The following A1CF variants were observed in gnomAD, a reference collection of about 807,000 sequenced individuals.
A1CF encodes the protein APOBEC-1 stimulating protein.
A1CF carries 48 observed loss-of-function variants against 68.9 expected under a neutral mutation model. The ratio of observed to expected loss-of-function variants is 0.70; its 90% CI spans 0.55 to 0.89. The LOEUF (loss-of-function observed/expected upper bound fraction) is 0.89. Ranked by LOEUF, A1CF falls within the 40% of genes least tolerant of loss-of-function variation. A1CF has a pLI of 0.00. For missense variants in A1CF, 653 were observed against 718.9 expected, an observed-to-expected ratio of 0.91 and a Z score of 1.05; for synonymous variants, 272 against 260.4, an observed-to-expected ratio of 1.04 and a Z score of -0.43.
chr10:50,810,106 T>G (rs1433157878), intron 11 of A1CF, 64 bp from the exon 12 acceptor site: 2 of 1,582,222 alleles, frequency 1.3e-6, no homozygotes, highest in African/African-American at 2.7e-5. Flanking sequence ...GGTGAAAACT[T>G]AAGGCACTAT....
At chr10:50,863,886 G>A (rs1273564879) in intron 2 of A1CF, 147 bp downstream of exon 2, 1 of 152,118 alleles carries the variant, frequency 6.6e-6, no homozygotes, top group Non-Finnish European at 1.5e-5. Context: ...CAAACATAAA[G>A]AGAAAATAAA....
At chr10:50,870,905 T>G (rs1841235350) in intron 1 of A1CF, among the ~76,000 whole-genome samples, 1 of 151,624 alleles carries the variant, frequency 6.6e-6, no homozygotes, top group South Asian at 2.1e-4. Context: ...CAAGATGGGA[T>G]CACTACAAAA....
At chr10:50,824,116 G>A (rs1252210352) in intron 7 of A1CF, 4 of 152,046 alleles carry the variant, frequency 2.6e-5, no homozygotes, top group African/African-American at 9.7e-5. Flanking sequence ...ATAGCCCTGA[G>A]AGTTGTGCCA....
chr10:50,828,035 A>G (rs1246187189), intron 7 of A1CF, 96 bp downstream of exon 7: 1 of 885,020 alleles, frequency 1.1e-6, no homozygotes, highest in African/African-American at 1.7e-5. Flanking sequence ...CTAGAAATCT[A>G]GAAGAAATGG....
At chr10:50,855,073 G>T (rs936139296) in intron 3 of A1CF, among the ~76,000 whole-genome samples, 1 of 151,824 alleles carries the variant, frequency 6.6e-6, no homozygotes, top group African/African-American at 2.4e-5. Flanking sequence ...CAGACACCAC[G>T]TTGGGTGGAA....
At chr10:50,877,268 G>A (rs533412466) in intron 1 of A1CF, among the ~76,000 whole-genome samples, 33 of 152,160 alleles carry the variant, frequency 2.2e-4, no homozygotes, top group Non-Finnish European at 4.6e-4. Context: ...AATTATTTGC[G>A]TGGTATATTA....
Position 50,885,585 on chromosome 10 carries a change from G to A in A1CF, c.-98C>T, listed in dbSNP as rs1437723186. The A allele has an allele frequency of 6.6e-6, 1 of 152,188 alleles. No individual in the cohort carries two copies. Among genetic ancestry groups the A allele is most frequent in the African/African-American group, 2.4e-5 (1 of 41,438 alleles). 9.4% of individuals were successfully genotyped at this position (152,188 alleles called of 1,614,324 possible). On this transcript the variant is annotated 5_prime_UTR_variant, in exon 1 of 13. Transcript: ENST00000373997. Reference sequence around the variant, plus strand: ...AGCAAAACACATGGATCATACCTGAGTAATTTCAGAGATCCCCACCCGGAA... The same window carrying A: ...AGCAAAACACATGGATCATACCTGAATAATTTCAGAGATCCCCACCCGGAA...
At position 50,848,539 on chromosome 10, in the gene A1CF, C is replaced by T. The variant is rs752414125; in HGVS notation, c.100-4417G>A. Among the ~76,000 whole-genome samples the T allele has an allele frequency of 6.6e-5, 10 of 152,258 alleles. No individual in the cohort carries two copies. In the South Asian group the frequency reaches 8.3e-4, roughly 13 times the overall value. On this transcript the variant is annotated intron_variant, in intron 3 of 12. Coordinates refer to ENST00000373997, the MANE Select transcript of A1CF (RefSeq NM_014576.4). ...TCCCATAAATGAGCCCATTCATAACCGGAAGGACATTAATTAATGAACCCT... is the reference window on the plus strand; with the variant it reads ...TCCCATAAATGAGCCCATTCATAACTGGAAGGACATTAATTAATGAACCCT...
At chr10:50,835,983 A>G in intron 6 of A1CF, 91 bp downstream of exon 6, 1 of 1,229,540 alleles carries the variant, frequency 8.1e-7, no homozygotes, top group Non-Finnish European at 1.1e-6. Context: ...GTAATGAAAG[A>G]TAGCCAAAAA....
chr10:50,807,385 G>A (rs1043350580), intron 12 of A1CF, among the ~76,000 whole-genome samples: 1 of 152,134 alleles, frequency 6.6e-6, no homozygotes, highest in Non-Finnish European at 1.5e-5. Flanking sequence ...TAAAGACTGG[G>A]AGATCAGTAG....
intron 1 of A1CF, among the ~76,000 whole-genome samples, chr10:50,874,909 C>G (rs1172756471): frequency 6.6e-6 from 1 of 152,118 alleles, no homozygotes; most frequent in South Asian, 2.1e-4. Flanking sequence ...ATCATCTTAC[C>G]CTCCCGGAAG....
Position 50,831,795 on chromosome 10 carries a change from C to T in A1CF, c.605-3500G>A, listed in dbSNP as rs1356666227. 4.6e-5 allele frequency among the ~76,000 whole-genome samples: 7 copies of T among 152,174 alleles called. No individual in the cohort carries two copies. In the East Asian group the frequency reaches 1.2e-3, roughly 25 times the overall value. On this transcript the variant is annotated intron_variant, in intron 6 of 12. Transcript: ENST00000373997. ...ATATCTCAAAAGAAGAAATATAAATCGCCAACAGGTATATGAAAAAATGCT... is the reference window on the plus strand; with the variant it reads ...ATATCTCAAAAGAAGAAATATAAATTGCCAACAGGTATATGAAAAAATGCT...
chr10:50,842,061 T>C, intron 4 of A1CF, 69 bp from the exon 5 acceptor site: 3 of 1,380,820 alleles, frequency 2.2e-6, no homozygotes, highest in Non-Finnish European at 2.0e-6. Context: ...GTGCATGTGC[T>C]GATACACACA....
Position 50,840,240 on chromosome 10 carries a change from A to C in A1CF, c.365+1622T>G, listed in dbSNP as rs11818619. ...AAGGGGATAAGATGTAAAAAAAAAA[A>C]CTGCATCTAGAATTGATGAACTGTG... On this transcript the variant is annotated intron_variant, in intron 5 of 12. Coordinates refer to ENST00000373997, the MANE Select transcript of A1CF (RefSeq NM_014576.4). Among the ~76,000 whole-genome samples the C allele has an allele frequency of 1.4e-4, 22 of 152,078 alleles. No individual in the cohort carries two copies. In the East Asian group the frequency reaches 2.5e-3, roughly 17 times the overall value.
chr10:50,859,509 G>C (rs1352818595), intron 3 of A1CF, among the ~76,000 whole-genome samples: 1 of 152,112 alleles, frequency 6.6e-6, no homozygotes, highest in Non-Finnish European at 1.5e-5. Context: ...TCCTGCTGTA[G>C]TTTATTTTCT....
Position 50,831,250 on chromosome 10 carries a change from T to C in A1CF, c.605-2955A>G, listed in dbSNP as rs368490910. ...AAAGCACAGACAACAAAAGCAAAAA[T>C]AGATGAATGGGATTGCATCAAACTA... On this transcript the variant is annotated intron_variant, in intron 6 of 12. Transcript: ENST00000373997. Among the ~76,000 whole-genome samples the C allele has an allele frequency of 3.5e-4, 53 of 152,062 alleles. 2 individuals carry two copies. In the South Asian group the frequency reaches 1.0e-2, roughly 29 times the overall value.
At chr10:50,878,091 C>A (rs778917830) in intron 1 of A1CF, among the ~76,000 whole-genome samples, 4 of 152,056 alleles carry the variant, frequency 2.6e-5, no homozygotes, top group Non-Finnish European at 5.9e-5. Flanking sequence ...TACTACACTC[C>A]AGCCTGGGTG....
In A1CF at chr10:50,836,700, C is replaced by G. The variant is rs1183232079; in HGVS notation, c.366-388G>C. On this transcript the variant is annotated intron_variant, in intron 5 of 12. Coordinates refer to ENST00000373997, the MANE Select transcript of A1CF (RefSeq NM_014576.4). Reference sequence around the variant, plus strand: ...GCTATCCCTCCCCCCTCCCCCCACCCCACAACAGGCCCTGGTGTGTAATGT... The same window carrying G: ...GCTATCCCTCCCCCCTCCCCCCACCGCACAACAGGCCCTGGTGTGTAATGT... Among the ~76,000 whole-genome samples, 3 of 117,878 alleles carry G rather than the reference C, an allele frequency of 2.5e-5. No homozygotes were observed. The South Asian group carries it at 9.8e-4, about 39-fold the overall frequency. The allele number at this position is 117,878 out of a possible 152,430, so 77.3% of individuals were successfully genotyped here.
Position 50,801,170 on chromosome 10 carries a change from A to G in A1CF, c.*5559T>C, listed in dbSNP as rs1365627892. On this transcript the variant is annotated 3_prime_UTR_variant, in exon 13 of 13. Coordinates refer to ENST00000373997, the MANE Select transcript of A1CF (RefSeq NM_014576.4). ...CAGGGGTTATGAGAGGAAAACTAGG[A>G]CCAAAAATAGGCTGGGTAGAGAGAT... The G allele has an allele frequency of 6.6e-6, 1 of 152,250 alleles. No individual in the cohort carries two copies. The highest frequency in any genetic ancestry group is 1.9e-4 in the East Asian group (1 of 5,194). The allele number at this position is 152,250 out of a possible 1,614,324, so 9.4% of individuals were successfully genotyped here. A position where few individuals can be genotyped will look rare whatever the true frequency, so the allele number is the denominator to read the frequency against.
Sources: allele counts gnomAD v4.1 joint callset (sites outside exome capture counted in the v4.1 genomes callset), GRCh38; gene constraint gnomAD v4.1.1; transcripts MANE v1.5; gene names NCBI Gene and HGNC (gene_info 2026-07-23, HGNC 2026-07-21).